Variants in CEP295 observed in about 807,000 individuals in gnomAD.
CEP295 encodes centrosomal protein 295, also known as centrosomal protein of 295 kDa.
In CEP295, 190 loss-of-function variants were observed where a neutral mutation model predicts 291.6. The observed-to-expected ratio is 0.65, with a 90% CI of 0.58 to 0.73. CEP295 has a LOEUF of 0.73. Ranked by LOEUF, CEP295 falls within the 30% of genes least tolerant of loss-of-function variation. CEP295 has a pLI of 0.00. For synonymous variants in CEP295, 993 were observed against 1,038.8 expected (o/e 0.96, Z 0.85); for missense variants, 2,863 against 2,949.4 (o/e 0.97, Z 0.68).
chr11:93,697,760 T>A lies in CEP295; in HGVS notation c.2848T>A (p.Phe950Ile). The A allele has an allele frequency of 6.4e-7, 1 of 1,551,650 alleles. No individual in the cohort carries two copies. Among genetic ancestry groups the A allele is most frequent in the Non-Finnish European group, 8.7e-7 (1 of 1,146,988 alleles). The change falls in exon 15 of 30, where the codon TTT becomes ATT. Residue 950 changes from phenylalanine (F) to isoleucine (I), a missense_variant. Phe to Ile is a conservative substitution (Grantham distance 21). Around this residue, in one of 3 missense-constraint regions of CEP295, gnomAD observed 2,295 missense variants for 2,335.7 expected, o/e 0.98. Transcript: ENST00000325212. ...SQPILSQQNNFKFLQEQLNIQ... is the reference protein window; with the variant it reads ...SQPILSQQNNIKFLQEQLNIQ... ...GCCTATCCTATCACAGCAAAATAATTTTAAATTTCTCCAAGAGCAGTTGAA... is the reference window on the plus strand; with the variant it reads ...GCCTATCCTATCACAGCAAAATAATATTAAATTTCTCCAAGAGCAGTTGAA...
At position 93,730,220 on chromosome 11, in the gene CEP295, T is replaced by C. The variant is rs1400123764; in HGVS notation, c.7768-11T>C. 1 of 1,551,392 alleles carries C rather than the reference T, an allele frequency of 6.4e-7. No homozygotes were observed. Among genetic ancestry groups the C allele is most frequent in the Non-Finnish European group, 8.7e-7 (1 of 1,146,882 alleles). ...ACACAACTGAAACTCAAATTTTTAT[T>C]CCTTCCACAGAAAACACTAGAGAAA... is the stretch of plus-strand genomic sequence containing the variant. On this transcript the variant is annotated splice_polypyrimidine_tract_variant and intron_variant, in intron 29 of 29. Coordinates refer to ENST00000325212, the MANE Select transcript of CEP295 (RefSeq NM_033395.2).
intron 9 of CEP295, 58 bp from the exon 10 acceptor site, chr11:93,687,586 A>G (rs200828746): frequency 1.7e-5 from 15 of 903,938 alleles, no homozygotes; most frequent in Non-Finnish European, 2.3e-5. Flanking sequence ...AGATGGAACA[A>G]TTTGCCTGGT....
At chr11:93,669,594 C>A in intron 4 of CEP295, 83 bp from the exon 5 acceptor site, 1 of 850,454 alleles carries the variant, frequency 1.2e-6, no homozygotes, top group Non-Finnish European at 1.9e-6. Flanking sequence ...ATTTCTTGAG[C>A]CTATGACTTA....
rs1179890204 is a variant in CEP295 at position 93,727,503 on chromosome 11, C to A, written c.7027C>A (p.Gln2343Lys). Reference sequence around the variant, plus strand: ...TCAGGCACCATATTCCTTAACTACTCAAAATGAAAAATATTTTGAGAATTC... The same window carrying A: ...TCAGGCACCATATTCCTTAACTACTAAAAATGAAAAATATTTTGAGAATTC... ...SIQAPYSLTT[Q>K]NEKYFENSAE... The change falls in exon 24 of 30, where the codon CAA (glutamine) becomes AAA (lysine). Residue 2343 changes from glutamine (Q) to lysine (K), a missense_variant. By Grantham distance (53) the Gln-to-Lys change is moderately conservative. Around this residue, in one of 3 missense-constraint regions of CEP295, gnomAD observed 2,295 missense variants for 2,335.7 expected, o/e 0.98. Coordinates refer to ENST00000325212, the MANE Select transcript of CEP295 (RefSeq NM_033395.2). 3 of 1,551,616 alleles carry A rather than the reference C, an allele frequency of 1.9e-6. No homozygotes were observed. The highest frequency in any genetic ancestry group is 1.2e-5 in the South Asian group (1 of 84,028).
At position 93,669,752 on chromosome 11, in the gene CEP295, T is replaced by C. The variant is rs1028369199; in HGVS notation, c.510T>C (p.Pro170=). 6.5e-7 allele frequency: 1 copy of C among 1,549,964 alleles called. No individual in the cohort carries two copies. Among genetic ancestry groups the C allele is most frequent in the Non-Finnish European group, 8.7e-7 (1 of 1,145,572 alleles). ...CCAAAATTACAAGTCTGCCACCTCC[T>C]CCTCCAACTCTTTTTGAGGTGAGTT... ...RSAKITSLPP[P]PPTLFENIEV... The change falls in exon 5 of 30, where the codon CCT becomes CCC. Residue 170 remains proline (P), a synonymous_variant. Transcript: ENST00000325212.
chr11:93,695,620 A>C lies in CEP295; in HGVS notation c.1657A>C (p.Thr553Pro), dbSNP rs1372371722. The C allele has an allele frequency of 1.3e-6, 2 of 1,491,774 alleles. No individual in the cohort carries two copies. The highest frequency in any genetic ancestry group is 1.5e-5 in the African/African-American group (1 of 68,908). 92.4% of individuals were successfully genotyped at this position (1,491,774 alleles called of 1,614,324 possible). A position where few individuals can be genotyped will look rare whatever the true frequency, so the allele number is the denominator to read the frequency against. The change falls in exon 13 of 30, where the codon ACT (threonine) becomes CCT (proline). Residue 553 changes from threonine to proline, a missense_variant. Thr to Pro is a conservative substitution (Grantham distance 38). Coordinates refer to ENST00000325212, the MANE Select transcript of CEP295 (RefSeq NM_033395.2). ...AQLEEEKRKK[T>P]QPTGVGIAPA... Reference sequence around the variant, plus strand: ...GCTGGAAGAAGAAAAAAGAAAAAAAACTCAACCGACTGGGGTAGGATGCAG... The same window carrying C: ...GCTGGAAGAAGAAAAAAGAAAAAAACCTCAACCGACTGGGGTAGGATGCAG...
At position 93,699,977 on chromosome 11, in the gene CEP295, G is replaced by C; in HGVS notation, c.5065G>C (p.Gly1689Arg). 6.4e-7 allele frequency: 1 copy of C among 1,551,670 alleles called. No individual in the cohort carries two copies. ...AAPPSNPVIP[G>R]FQDRLLSFSQ... Reference sequence around the variant, plus strand: ...CCCCCCAAGTAATCCTGTGATCCCAGGGTTTCAAGATAGACTTTTGAGTTT... The same window carrying C: ...CCCCCCAAGTAATCCTGTGATCCCACGGTTTCAAGATAGACTTTTGAGTTT... Residue 1689 changes from glycine to arginine, a missense_variant, in exon 15 of 30, where the codon GGG becomes CGG. Physicochemically the swap from Gly to Arg is moderately radical, Grantham distance 125. Transcript: ENST00000325212.
chr11:93,729,297 G>T (rs1937982553), intron 25 of CEP295, 137 bp from the exon 26 acceptor site: 1 of 644,088 alleles, frequency 1.6e-6, no homozygotes, highest in African/African-American at 1.8e-5. Context: ...CAGGCATGGT[G>T]GCGGGTCTCT....
intron 8 of CEP295, 56 bp downstream of exon 8, chr11:93,683,798 A>G: frequency 1.3e-6 from 2 of 1,488,174 alleles, no homozygotes. Flanking sequence ...TGGTGGGAAA[A>G]TATGTTTGTA....
At chr11:93,673,537 A>G (rs1411121440) in intron 5 of CEP295, among the ~76,000 whole-genome samples, 2 of 151,984 alleles carry the variant, frequency 1.3e-5, no homozygotes, top group Non-Finnish European at 2.9e-5. Context: ...TCTGTCGCCC[A>G]GGCTGGAGGG....
intron 24 of CEP295, chr11:93,728,393 A>T (rs1412571221): frequency 4.3e-6 from 1 of 230,732 alleles, no homozygotes; most frequent in Non-Finnish European, 8.3e-6. Context: ...TTTTTTGCCC[A>T]ACACTACAAG....
intron 18 of CEP295, among the ~76,000 whole-genome samples, chr11:93,715,615 T>G (rs1296604013): frequency 6.6e-6 from 1 of 152,076 alleles, no homozygotes; most frequent in African/African-American, 2.4e-5. Flanking sequence ...GAAGCCATCA[T>G]GTCTCAGAGT....
At chr11:93,690,388 CTACTAAAAA>C (rs1325834280) in intron 10 of CEP295, among the ~76,000 whole-genome samples, 1 of 152,080 alleles carries the variant, frequency 6.6e-6, no homozygotes, top group Non-Finnish European at 1.5e-5. Context: ...AACCCTGTCT[CTACTAAAAA>C]TACTAAAAAG....
At chr11:93,724,037 A>G (rs1342276787) in intron 21 of CEP295, 6 of 333,502 alleles carry the variant, frequency 1.8e-5, no homozygotes, top group Non-Finnish European at 3.2e-5. Flanking sequence ...CACTGAGAGG[A>G]TCCATATTTT....
chr11:93,663,767 A>G (rs1488923909), intron 1 of CEP295, among the ~76,000 whole-genome samples: 1 of 152,196 alleles, frequency 6.6e-6, no homozygotes, highest in Non-Finnish European at 1.5e-5. Flanking sequence ...AAATGTTTAT[A>G]TGTTTTTCAA....
At chr11:93,663,834 C>G (rs963608606) in intron 1 of CEP295, among the ~76,000 whole-genome samples, 1 of 151,872 alleles carries the variant, frequency 6.6e-6, no homozygotes, top group African/African-American at 2.4e-5. Context: ...GGATTTTTTT[C>G]CTCTTAAAGT....
intron 18 of CEP295, among the ~76,000 whole-genome samples, chr11:93,711,457 G>A (rs569167539): frequency 4.6e-5 from 7 of 152,230 alleles, no homozygotes; most frequent in African/African-American, 1.7e-4. Flanking sequence ...ACTGTGGTCA[G>A]AGAAGACAAG....
rs1565227617 is a variant in CEP295, at chr11:93,728,737, C to G, written c.7218C>G (p.Thr2406=). Residue 2406 remains threonine, a synonymous_variant, in exon 25 of 30, where the codon ACC becomes ACG. Coordinates refer to ENST00000325212, the MANE Select transcript of CEP295 (RefSeq NM_033395.2). ...MEEPELTLIS[T]TDTSIAEMDF... is the part of the protein sequence containing the mutation. ...AACCAGAACTTACTTTAATAAGCAC[C>G]ACTGATACCAGTATTGCTGAAATGG... 1 of 1,549,850 alleles carries G rather than the reference C, an allele frequency of 6.5e-7. No homozygotes were observed. Among genetic ancestry groups the G allele is most frequent in the Non-Finnish European group, 8.7e-7 (1 of 1,145,944 alleles).
Position 93,695,591 on chromosome 11 carries a change from C to G in CEP295, c.1628C>G (p.Ala543Gly). The G allele has an allele frequency of 2.0e-6, 3 of 1,495,490 alleles. No homozygotes were observed. The highest frequency in any genetic ancestry group is 2.7e-6 in the Non-Finnish European group (3 of 1,129,860). 92.6% of individuals were successfully genotyped at this position (1,495,490 alleles called of 1,614,324 possible). A position where few individuals can be genotyped will look rare whatever the true frequency, so the allele number is the denominator to read the frequency against. The change falls in exon 13 of 30, where the codon GCT becomes GGT. Residue 543 changes from alanine (A) to glycine (G), a missense_variant. Coordinates refer to ENST00000325212, the MANE Select transcript of CEP295 (RefSeq NM_033395.2). The stretch of plus-strand genomic sequence containing the variant: ...AGATTAGAAACTGACTGCTTCAGGG[C>G]TCAGCTGGAAGAAGAAAAAAGAAAA... ...KLRLETDCFR[A>G]QLEEEKRKKT...
Sources: gnomAD v4.1 joint callset for allele counts (sites outside exome capture counted in the v4.1 genomes callset) on GRCh38, gnomAD v4.1.1 for gene constraint, gnomAD v4.1.1 regional missense constraint, MANE v1.5 for transcripts, NCBI Gene and HGNC (gene_info 2026-07-23, HGNC 2026-07-21) for gene names.